The following JAZF1 variants were observed in gnomAD, a reference collection of about 807,000 sequenced individuals.
JAZF1 encodes the protein JAZF zinc finger 1, also known as juxtaposed with another zinc finger protein 1.
In JAZF1, 8 loss-of-function variants were observed where a neutral mutation model predicts 26.4. The observed-to-expected ratio is 0.30, with a 90% CI of 0.18 to 0.55. The LOEUF (loss-of-function observed/expected upper bound fraction) is 0.55. JAZF1 is among the 20% of genes least tolerant of loss of function. The probability of loss-of-function intolerance (pLI) is 0.94; values close to 1 mark genes in which losing one functional copy is unlikely to be tolerated. For synonymous variants in JAZF1, 126 were observed against 122.3 expected (o/e 1.03, Z -0.20); for missense variants, 199 against 322.0 (o/e 0.62, Z 2.92).
intron 2 of JAZF1, among the ~76,000 whole-genome samples, chr7:27,954,513 G>C (rs1436653650): frequency 6.6e-6 from 1 of 152,142 alleles, no homozygotes; most frequent in African/African-American, 2.4e-5. Flanking sequence ...AAGAAGTCCA[G>C]TCTTGTACTC....
rs375859244 is a variant in JAZF1 at position 27,898,304 on chromosome 7, T to TATATATATACACAC, written c.189-2889_189-2888insGTGTGTATATATAT. Among the ~76,000 whole-genome samples the TATATATATACACAC allele has an allele frequency of 6.5e-4, 84 of 128,930 alleles. 3 individuals carry two copies. The highest frequency in any genetic ancestry group is 8.8e-4 in the Non-Finnish European group (56 of 63,948). The allele number at this position is 128,930 out of a possible 152,430, so 84.6% of individuals were successfully genotyped here. On this transcript the variant is annotated intron_variant, in intron 2 of 4. Transcript: ENST00000283928. Reference sequence around the variant, plus strand: ...TCTAACTCATATATATATATATATATACATCGGTTTTTTTTTTTTTTTTTT... The same window carrying TATATATATACACAC: ...TCTAACTCATATATATATATATATATATATATATACACACACATCGGTTTTTTTTTTTTTTTTTT...
intron 1 of JAZF1, among the ~76,000 whole-genome samples, chr7:28,125,924 AC>A (rs1241847049): frequency 6.6e-6 from 1 of 152,160 alleles, no homozygotes; most frequent in Admixed American, 6.5e-5. Flanking sequence ...CCAACCCAAG[AC>A]CAAGGTTGGT....
In JAZF1 at chr7:28,126,696, C is replaced by T. The variant is rs112915597; in HGVS notation, c.115+53767G>A. ...ACTGTACTCCCCATTCCCCACCTTA[C>T]GGTGTTTCAGGGACACAAGTGTCTC... On this transcript the variant is annotated intron_variant, in intron 1 of 4. Transcript: ENST00000283928. 1.2e-3 allele frequency among the ~76,000 whole-genome samples: 187 copies of T among 152,216 alleles called. 4 individuals carry two copies. Among genetic ancestry groups the T allele is most frequent in the East Asian group, 6.0e-3 (31 of 5,166 alleles).
intron 1 of JAZF1, among the ~76,000 whole-genome samples, chr7:28,052,093 G>A (rs567387850): frequency 6.6e-6 from 1 of 152,274 alleles, no homozygotes; most frequent in Non-Finnish European, 1.5e-5. Flanking sequence ...AAGCCAAAAT[G>A]TTTAATTTGC....
intron 1 of JAZF1, among the ~76,000 whole-genome samples, chr7:28,161,433 C>T (rs1248748287): frequency 6.6e-6 from 1 of 152,140 alleles, no homozygotes; most frequent in African/African-American, 2.4e-5. Flanking sequence ...GTTGAAGTGA[C>T]TAGTCAAGGT....
rs201336258 is a variant in JAZF1 at position 27,914,109 on chromosome 7, A to G, written c.189-18693T>C. Among the ~76,000 whole-genome samples the G allele has an allele frequency of 3.0e-4, 46 of 152,308 alleles. No homozygotes were observed. In the East Asian group the frequency reaches 6.7e-3, roughly 22 times the overall value. On this transcript the variant is annotated intron_variant, in intron 2 of 4. Transcript: ENST00000283928. ...CAGGGGCAGGAGAAACAAAATGTGG[A>G]GAGAACCGCCTGCTATCTGTTTGCT...
intron 1 of JAZF1, among the ~76,000 whole-genome samples, chr7:28,001,503 T>C (rs1023798171): frequency 3.9e-5 from 6 of 152,198 alleles, no homozygotes; most frequent in African/African-American, 9.7e-5. Flanking sequence ...AGGAACTTCT[T>C]GAAAGAAAAA....
intron 2 of JAZF1, among the ~76,000 whole-genome samples, chr7:27,986,191 C>T (rs1291044267): frequency 6.6e-6 from 1 of 152,198 alleles, no homozygotes; most frequent in Non-Finnish European, 1.5e-5. Flanking sequence ...TTGCAGATGA[C>T]ATGATTGTAT....
chr7:28,150,653 C>T (rs1031471498), intron 1 of JAZF1, among the ~76,000 whole-genome samples: 1 of 152,224 alleles, frequency 6.6e-6, no homozygotes, highest in Non-Finnish European at 1.5e-5. Flanking sequence ...CTTTCCTCTC[C>T]TAAGAGGCCA....
intron 1 of JAZF1, among the ~76,000 whole-genome samples, chr7:28,148,796 T>G (rs1251739761): frequency 6.6e-6 from 1 of 152,162 alleles, no homozygotes; most frequent in Non-Finnish European, 1.5e-5. Flanking sequence ...TCACTGCACT[T>G]GAAACAATCA....
intron 1 of JAZF1, among the ~76,000 whole-genome samples, chr7:28,146,863 T>A (rs554592794): frequency 4.0e-5 from 6 of 151,338 alleles, no homozygotes; most frequent in Non-Finnish European, 5.9e-5. Context: ...GGTTTTTTTT[T>A]GTTTTTTTTT....
At chr7:27,942,466 T>C (rs1264184333) in intron 2 of JAZF1, among the ~76,000 whole-genome samples, 2 of 152,254 alleles carry the variant, frequency 1.3e-5, no homozygotes, top group South Asian at 2.1e-4. Flanking sequence ...TTTATTTAAC[T>C]GAGCATTTAC....
chr7:28,082,906 C>T (rs538145503), intron 1 of JAZF1, among the ~76,000 whole-genome samples: 2 of 152,336 alleles, frequency 1.3e-5, no homozygotes, highest in South Asian at 4.1e-4. Flanking sequence ...AGCTCAGAAC[C>T]CACCAGTGCC....
At chr7:28,041,606 C>T (rs1783393481) in intron 1 of JAZF1, among the ~76,000 whole-genome samples, 2 of 152,084 alleles carry the variant, frequency 1.3e-5, no homozygotes, top group Admixed American at 6.6e-5. Flanking sequence ...AGCCTAAGGG[C>T]AAGACCTACA....
intron 1 of JAZF1, among the ~76,000 whole-genome samples, chr7:28,129,508 T>A (rs962712024): frequency 6.6e-6 from 1 of 152,122 alleles, no homozygotes; most frequent in African/African-American, 2.4e-5. Flanking sequence ...CTTATCTACA[T>A]GGTAACTTTT....
At chr7:28,018,668 T>A (rs1445710266) in intron 1 of JAZF1, among the ~76,000 whole-genome samples, 2 of 152,010 alleles carry the variant, frequency 1.3e-5, no homozygotes, top group South Asian at 2.1e-4. Context: ...ACCAGTCACA[T>A]CCCCCCAAAT....
At chr7:28,038,705 C>T (rs1783337699) in intron 1 of JAZF1, among the ~76,000 whole-genome samples, 1 of 152,152 alleles carries the variant, frequency 6.6e-6, no homozygotes, top group African/African-American at 2.4e-5. Flanking sequence ...AAAGTCAAAA[C>T]CCAACCAAAC....
chr7:28,099,311 A>G (rs745959774), intron 1 of JAZF1, among the ~76,000 whole-genome samples: 32 of 151,852 alleles, frequency 2.1e-4, no homozygotes, highest in Non-Finnish European at 4.1e-4. Context: ...AAAAAATTCT[A>G]TGAAATTTTC....
At chr7:28,013,283 T>G (rs1281744558) in intron 1 of JAZF1, among the ~76,000 whole-genome samples, 1 of 152,108 alleles carries the variant, frequency 6.6e-6, no homozygotes, top group Non-Finnish European at 1.5e-5. Flanking sequence ...GCTTGCTAAA[T>G]AGGAACCAGA....
Sources: gnomAD v4.1 joint callset for allele counts (sites outside exome capture counted in the v4.1 genomes callset) on GRCh38, gnomAD v4.1.1 for gene constraint, MANE v1.5 for transcripts, NCBI Gene and HGNC (gene_info 2026-07-23, HGNC 2026-07-21) for gene names.